The following GLIS1 variants were observed in gnomAD, a reference collection of about 807,000 sequenced individuals.
GLIS1 encodes the protein zinc finger protein GLIS1.
GLIS1 carries 24 observed loss-of-function variants against 63.8 expected under a neutral mutation model. The observed-to-expected ratio is 0.38, with a 90% CI of 0.27 to 0.53. The LOEUF (loss-of-function observed/expected upper bound fraction) is 0.53, where lower values mean the gene tolerates loss of function less well. Ranked by LOEUF, GLIS1 falls within the 20% of genes least tolerant of loss-of-function variation. The pLI is 0.85. For synonymous variants in GLIS1, 450 were observed against 482.5 expected, an observed-to-expected ratio of 0.93 and a Z score of 0.88; for missense variants, 1,036 against 1,074.1, an observed-to-expected ratio of 0.96 and a Z score of 0.50.
intron 2 of GLIS1, among the ~76,000 whole-genome samples, chr1:53,626,452 C>A (rs912278194): frequency 2.6e-5 from 4 of 152,216 alleles, no homozygotes; most frequent in African/African-American, 9.7e-5. Flanking sequence ...TACTCCCCAG[C>A]CTGCATCCAG....
intron 2 of GLIS1, among the ~76,000 whole-genome samples, chr1:53,667,712 T>C (rs1646108706): frequency 6.6e-6 from 1 of 152,222 alleles, no homozygotes. Context: ...AGCATCAGCA[T>C]CTGGTGAGGG....
At chr1:53,722,623 T>G (rs998816353) in intron 2 of GLIS1, among the ~76,000 whole-genome samples, 1 of 152,098 alleles carries the variant, frequency 6.6e-6, no homozygotes, top group Admixed American at 6.5e-5. Flanking sequence ...GGAGTATTGC[T>G]TGAACCCAGG....
In GLIS1 at chr1:53,691,249, G is replaced by A. The variant is rs1008596587; in HGVS notation, c.259+46557C>T. ...GCACTCCCGCTGTGTCCCTCCAGCT[G>A]TACCCACAGTGGGAGCTTCAGTGCC... On this transcript the variant is annotated intron_variant, in intron 2 of 10. Transcript: ENST00000628545. 2.0e-5 allele frequency among the ~76,000 whole-genome samples: 3 copies of A among 152,092 alleles called. No individual in the cohort carries two copies. The East Asian group carries it at 5.8e-4, about 29-fold the overall frequency.
chr1:53,610,349 C>A (rs1056735879), intron 2 of GLIS1, among the ~76,000 whole-genome samples: 7 of 152,154 alleles, frequency 4.6e-5, no homozygotes, highest in African/African-American at 1.7e-4. Context: ...AAATTGTAAG[C>A]CTACTGGCAA....
intron 4 of GLIS1, among the ~76,000 whole-genome samples, chr1:53,588,564 A>C (rs1440600119): frequency 6.6e-6 from 1 of 152,160 alleles, no homozygotes; most frequent in Non-Finnish European, 1.5e-5. Context: ...CCACTCATCC[A>C]TTTCAGGATC....
chr1:53,612,532 G>A (rs771359014), intron 2 of GLIS1, among the ~76,000 whole-genome samples: 6 of 151,814 alleles, frequency 4.0e-5, no homozygotes, highest in Non-Finnish European at 8.8e-5. Context: ...GAGCCACCGC[G>A]CCTGGCCTGT....
chr1:53,590,564 T>C lies in GLIS1; in HGVS notation c.1320+3544A>G, dbSNP rs569646245. On this transcript the variant is annotated intron_variant, in intron 4 of 10. Coordinates refer to ENST00000628545, the MANE Select transcript of GLIS1 (RefSeq NM_001367484.1). ...GCAGACAATCAGAATTCCGGCCGTCTGGGAGAACCAACCTAAGAAAGCATG... is the reference window on the plus strand; with the variant it reads ...GCAGACAATCAGAATTCCGGCCGTCCGGGAGAACCAACCTAAGAAAGCATG... Among the ~76,000 whole-genome samples, 3 of 152,322 alleles carry C rather than the reference T, an allele frequency of 2.0e-5. No homozygotes were observed. The South Asian group carries it at 6.2e-4, about 32-fold the overall frequency.
chr1:53,509,222 C>G lies in GLIS1; in HGVS notation c.2128G>C (p.Glu710Gln). Residue 710 changes from glutamate (E) to glutamine (Q), a missense_variant, in exon 10 of 11, where the codon GAA (glutamate) becomes CAA (glutamine). Coordinates refer to ENST00000628545, the MANE Select transcript of GLIS1 (RefSeq NM_001367484.1). ...AGTCCGTCCCCACCGGCTGCTGGTT[C>G]AGCCATCCGGTAGCAGTCGCCATAG... is the stretch of plus-strand genomic sequence containing the variant. ...FPYGDCYRMA[E>Q]PAAGGDGLVG... 1.3e-6 allele frequency: 2 copies of G among 1,596,812 alleles called. No homozygotes were observed. The highest frequency in any genetic ancestry group is 1.7e-6 in the Non-Finnish European group (2 of 1,172,210).
chr1:53,522,154 G>C (rs548331504), intron 6 of GLIS1, among the ~76,000 whole-genome samples: 2 of 152,262 alleles, frequency 1.3e-5, no homozygotes, highest in Admixed American at 1.3e-4. Flanking sequence ...CCGCAATGTC[G>C]ATCGGATTAG....
At chr1:53,701,038 T>C (rs1646517962) in intron 2 of GLIS1, among the ~76,000 whole-genome samples, 1 of 152,226 alleles carries the variant, frequency 6.6e-6, no homozygotes, top group Non-Finnish European at 1.5e-5. Context: ...ATATTTAGGG[T>C]TGTTCCCACT....
rs1006525622 is a variant in GLIS1 at position 53,598,892 on chromosome 1, G to A, written c.437+1209C>T. ...AATTTATCCACTGTGGAGCTCTCAC[G>A]AGAACGTAAACTCCATCAGGAGAGA... On this transcript the variant is annotated intron_variant, in intron 3 of 10. Coordinates refer to ENST00000628545, the MANE Select transcript of GLIS1 (RefSeq NM_001367484.1). The surrounding 1 kb of genome is among the most constrained non-coding windows in gnomAD (Gnocchi z 4.6). Among the ~76,000 whole-genome samples, 1 of 152,218 alleles carries A rather than the reference G, an allele frequency of 6.6e-6. No individual in the cohort carries two copies. The highest frequency in any genetic ancestry group is 1.5e-5 in the Non-Finnish European group (1 of 68,042).
intron 2 of GLIS1, among the ~76,000 whole-genome samples, chr1:53,684,117 A>G (rs1245701757): frequency 6.6e-6 from 1 of 152,008 alleles, no homozygotes; most frequent in East Asian, 1.9e-4. Flanking sequence ...TAAACTCCAA[A>G]GTTCCCAGCC....
At chr1:53,590,933 G>A (rs1011267059) in intron 4 of GLIS1, among the ~76,000 whole-genome samples, 1 of 152,168 alleles carries the variant, frequency 6.6e-6, no homozygotes, top group Non-Finnish European at 1.5e-5. Flanking sequence ...CGGAGCAGAG[G>A]CTCCGCTGGC....
chr1:53,616,817 G>C (rs976805960), intron 2 of GLIS1, among the ~76,000 whole-genome samples: 2 of 152,162 alleles, frequency 1.3e-5, no homozygotes, highest in African/African-American at 4.8e-5. Flanking sequence ...GTCCCTCCGA[G>C]GCTCGGGATT....
At chr1:53,552,981 G>A (rs906368059) in intron 4 of GLIS1, among the ~76,000 whole-genome samples, 3 of 152,202 alleles carry the variant, frequency 2.0e-5, no homozygotes, top group Admixed American at 6.5e-5. Flanking sequence ...AATTACTCAC[G>A]TGCTCCAGGA....
intron 2 of GLIS1, among the ~76,000 whole-genome samples, chr1:53,673,332 A>C (rs1401716760): frequency 6.6e-6 from 1 of 152,246 alleles, no homozygotes; most frequent in Non-Finnish European, 1.5e-5. Flanking sequence ...ACTCAGCCCC[A>C]GATACACAGG....
intron 10 of GLIS1, among the ~76,000 whole-genome samples, chr1:53,508,907 T>G (rs1349240327): frequency 6.6e-6 from 1 of 152,242 alleles, no homozygotes; most frequent in African/African-American, 2.4e-5. Context: ...CTCGCAAAGC[T>G]GTGCAAGGAG....
At chr1:53,724,660 A>G (rs12059719) in intron 2 of GLIS1, among the ~76,000 whole-genome samples, 2 of 151,966 alleles carry the variant, frequency 1.3e-5, no homozygotes, top group East Asian at 3.9e-4. Flanking sequence ...CTGAGACTAC[A>G]GGTGCACACC....
intron 7 of GLIS1, among the ~76,000 whole-genome samples, chr1:53,519,322 A>G (rs894121633): frequency 2.8e-4 from 42 of 152,210 alleles, no homozygotes; most frequent in Non-Finnish European, 5.0e-4. Context: ...ACCCCTGGAA[A>G]GGGGGACCCA....
Sources: gnomAD v4.1 joint callset for allele counts (sites outside exome capture counted in the v4.1 genomes callset) on GRCh38, gnomAD v4.1.1 for gene constraint, Gnocchi (gnomAD v3.1) non-coding constraint, MANE v1.5 for transcripts, NCBI Gene and HGNC (gene_info 2026-07-23, HGNC 2026-07-21) for gene names.